CSMD1: variants seen among roughly 807,000 people sequenced by gnomAD.
CSMD1 encodes the protein CUB and Sushi multiple domains 1, also known as CUB and sushi domain-containing protein 1.
Under a neutral mutation model 417.5 loss-of-function variants are expected in CSMD1, and 213 were observed. That is an observed-to-expected ratio of 0.51 (90% CI 0.46 to 0.57). CSMD1 has a LOEUF of 0.57. CSMD1 is among the 20% of genes least tolerant of loss of function. CSMD1 has a pLI of 0.00. For missense variants in CSMD1, 6,923 were observed against 4,529.7 expected, an observed-to-expected ratio of 1.53 and a Z score of -15.17; for synonymous variants, 2,862 against 1,736.8, an observed-to-expected ratio of 1.65 and a Z score of -16.11.
intron 18 of CSMD1, among the ~76,000 whole-genome samples, chr8:3,382,234 G>C (rs968544852): frequency 6.6e-6 from 1 of 151,584 alleles, no homozygotes; most frequent in Non-Finnish European, 1.5e-5. Flanking sequence ...GCTCCAGCAG[G>C]AAAGGGAAAA....
At chr8:3,508,038 T>G (rs1167098889) in intron 10 of CSMD1, among the ~76,000 whole-genome samples, 2 of 152,206 alleles carry the variant, frequency 1.3e-5, no homozygotes, top group African/African-American at 4.8e-5. Context: ...AATTTTGGCT[T>G]TTGTTGCCAT....
At chr8:4,933,155 C>CT (rs1175682475) in intron 1 of CSMD1, among the ~76,000 whole-genome samples, 3 of 151,822 alleles carry the variant, frequency 2.0e-5, no homozygotes, top group Non-Finnish European at 2.9e-5. Flanking sequence ...TTCTTTTTTA[C>CT]TTTTTTTTCT....
intron 23 of CSMD1, among the ~76,000 whole-genome samples, chr8:3,320,464 T>A (rs1409806988): frequency 6.6e-6 from 1 of 152,172 alleles, no homozygotes; most frequent in Non-Finnish European, 1.5e-5. Flanking sequence ...CATGTAAATA[T>A]AAGGGATTAT....
At chr8:4,355,119 G>C (rs535521316) in intron 3 of CSMD1, among the ~76,000 whole-genome samples, 3 of 151,724 alleles carry the variant, frequency 2.0e-5, no homozygotes, top group Non-Finnish European at 2.9e-5. Flanking sequence ...AAAATTAGCC[G>C]GGCGTGGTGG....
chr8:3,096,441 T>C (rs1037688225), intron 47 of CSMD1, among the ~76,000 whole-genome samples: 2 of 152,070 alleles, frequency 1.3e-5, no homozygotes, highest in Non-Finnish European at 2.9e-5. Context: ...GCACAAGTTC[T>C]CTCTCATGTG....
chr8:4,954,871 A>C (rs531744121), intron 1 of CSMD1, among the ~76,000 whole-genome samples: 1 of 152,222 alleles, frequency 6.6e-6, no homozygotes, highest in African/African-American at 2.4e-5. Context: ...CTAACTCATA[A>C]CTTCAGGAAT....
At chr8:4,832,657 T>C (rs1450833958) in intron 1 of CSMD1, among the ~76,000 whole-genome samples, 1 of 152,188 alleles carries the variant, frequency 6.6e-6, no homozygotes, top group Non-Finnish European at 1.5e-5. Context: ...TTTAAATATA[T>C]ATTCTCATAT....
At chr8:4,446,326 T>C (rs543916464) in intron 2 of CSMD1, among the ~76,000 whole-genome samples, 2 of 152,194 alleles carry the variant, frequency 1.3e-5, no homozygotes, top group Admixed American at 1.3e-4. Flanking sequence ...CATGGGTGGA[T>C]CGCTTGAGCC....
At chr8:4,608,740 T>C (rs1384958901) in intron 2 of CSMD1, among the ~76,000 whole-genome samples, 1 of 152,212 alleles carries the variant, frequency 6.6e-6, no homozygotes, top group Non-Finnish European at 1.5e-5. Flanking sequence ...TGACGATGTG[T>C]TTTCTTTTAT....
chr8:3,767,885 G>A (rs62479698), intron 5 of CSMD1, among the ~76,000 whole-genome samples: 42,108 of 151,978 alleles, frequency 0.28, 6,794 homozygotes, highest in Non-Finnish European at 0.36. Context: ...TATATATCAT[G>A]GTAAAAAGTT....
At chr8:3,271,271 A>T (rs570850063) in intron 26 of CSMD1, among the ~76,000 whole-genome samples, 445 of 152,042 alleles carry the variant, frequency 2.9e-3, no homozygotes, top group Non-Finnish European at 5.2e-3. Context: ...TCATTTTTTA[A>T]GGCTGCATAG....
chr8:3,087,044 A>T, intron 49 of CSMD1, 53 bp downstream of exon 49: 1 of 1,455,420 alleles, frequency 6.9e-7, no homozygotes, highest in East Asian at 2.3e-5. Flanking sequence ...AGAGTGATTA[A>T]AATGAGAGCA....
chr8:4,230,719 A>G (rs1021653693), intron 3 of CSMD1, among the ~76,000 whole-genome samples: 8 of 152,228 alleles, frequency 5.3e-5, no homozygotes, highest in Non-Finnish European at 7.3e-5. Flanking sequence ...TTTAATGACT[A>G]TAAATATAAA....
chr8:3,176,063 G>A (rs1820917633), intron 37 of CSMD1, among the ~76,000 whole-genome samples: 2 of 152,108 alleles, frequency 1.3e-5, no homozygotes, highest in South Asian at 4.1e-4. Flanking sequence ...ATGTTTCACT[G>A]TCTTGTTAGA....
chr8:2,946,806 TG>T (rs1229605809), intron 68 of CSMD1, among the ~76,000 whole-genome samples: 7 of 152,122 alleles, frequency 4.6e-5, no homozygotes, highest in African/African-American at 1.7e-4. Flanking sequence ...ACTACCAGAG[TG>T]TTTTCCAGAG....
intron 6 of CSMD1, among the ~76,000 whole-genome samples, chr8:3,728,216 T>C (rs1282211338): frequency 6.6e-6 from 1 of 152,188 alleles, no homozygotes; most frequent in African/African-American, 2.4e-5. Context: ...TGTGATCTGA[T>C]GGTTTTACAA....
chr8:3,700,367 G>A (rs891626965), intron 7 of CSMD1: 2 of 152,168 alleles, frequency 1.3e-5, no homozygotes, highest in Non-Finnish European at 2.9e-5. Flanking sequence ...GTTACTTTAT[G>A]TGTGTGTTTA....
intron 5 of CSMD1, among the ~76,000 whole-genome samples, chr8:3,961,147 G>A (rs961836849): frequency 1.3e-5 from 2 of 152,088 alleles, no homozygotes; most frequent in Non-Finnish European, 2.9e-5. Context: ...GCCCATAATA[G>A]TCTCTGTATT....
At chr8:4,191,625 C>A (rs913640904) in intron 3 of CSMD1, among the ~76,000 whole-genome samples, 1 of 150,220 alleles carries the variant, frequency 6.7e-6, no homozygotes. Context: ...AAGAAAACTA[C>A]AAGATACATT....
Sources: allele counts gnomAD v4.1 joint callset (sites outside exome capture counted in the v4.1 genomes callset), GRCh38; gene constraint gnomAD v4.1.1; transcripts MANE v1.5; gene names NCBI Gene and HGNC (gene_info 2026-07-23, HGNC 2026-07-21).